Variants in HNF4G observed in about 807,000 individuals in gnomAD.
The protein encoded by HNF4G is hepatocyte nuclear factor 4 gamma, also known as hepatocyte nuclear factor 4-gamma.
HNF4G carries 21 observed loss-of-function variants against 50.9 expected under a neutral mutation model. That is an observed-to-expected ratio of 0.41 (90% CI 0.29 to 0.59). HNF4G has a LOEUF of 0.59. Among genes scored for constraint, HNF4G ranks in the 20% least tolerant of loss-of-function variants. The pLI is 0.26. For missense variants in HNF4G, 527 were observed against 559.4 expected (o/e 0.94, Z 0.58); for synonymous variants, 198 against 185.6 (o/e 1.07, Z -0.54).
At chr8:75,455,752 G>T (rs141508025) in intron 1 of HNF4G, among the ~76,000 whole-genome samples, 3,290 of 152,164 alleles carry the variant, frequency 0.022, 51 homozygotes, top group Non-Finnish European at 0.035. Flanking sequence ...CCAGTAAGAT[G>T]TTAATTTTTT....
At chr8:75,445,696 C>T (rs1811408784) in intron 1 of HNF4G, among the ~76,000 whole-genome samples, 3 of 135,410 alleles carry the variant, frequency 2.2e-5, no homozygotes, top group South Asian at 4.8e-4. Context: ...TGGATACATT[C>T]CTCGACACAT....
intron 1 of HNF4G, among the ~76,000 whole-genome samples, chr8:75,421,290 CAGTGGCTACCT>C (rs1278409482): frequency 6.6e-6 from 1 of 152,124 alleles, no homozygotes; most frequent in Non-Finnish European, 1.5e-5. Flanking sequence ...CACATGTGGC[CAGTGGCTACCT>C]AGTTGGTCAG....
At chr8:75,498,523 T>G (rs1267274936) in intron 2 of HNF4G, among the ~76,000 whole-genome samples, 1 of 151,714 alleles carries the variant, frequency 6.6e-6, no homozygotes, top group Non-Finnish European at 1.5e-5. Context: ...TTCCAAAAAT[T>G]GAAAAGAAGG....
chr8:75,443,684 G>T (rs1811346087), intron 1 of HNF4G, among the ~76,000 whole-genome samples: 1 of 152,136 alleles, frequency 6.6e-6, no homozygotes, highest in African/African-American at 2.4e-5. Flanking sequence ...CTTATGAAAA[G>T]TAAGAACATG....
chr8:75,429,734 T>G (rs1753096461), intron 1 of HNF4G, among the ~76,000 whole-genome samples: 1 of 152,102 alleles, frequency 6.6e-6, no homozygotes, highest in African/African-American at 2.4e-5. Context: ...AAAGTCTGAG[T>G]TGAAGAAAGA....
intron 1 of HNF4G, among the ~76,000 whole-genome samples, chr8:75,487,316 T>C (rs974122259): frequency 2.0e-5 from 3 of 152,176 alleles, no homozygotes; most frequent in African/African-American, 4.8e-5. Context: ...GAAGCTGCCA[T>C]GTTTAAGAAT....
intron 1 of HNF4G, among the ~76,000 whole-genome samples, chr8:75,463,062 T>TTG (rs1243649441): frequency 8.8e-5 from 13 of 146,946 alleles, no homozygotes; most frequent in African/African-American, 3.4e-4. Flanking sequence ...CTGCTTGTTT[T>TTG]TTTGTTTTTT....
At chr8:75,492,952 G>A (rs1812669482) in intron 2 of HNF4G, among the ~76,000 whole-genome samples, 2 of 152,062 alleles carry the variant, frequency 1.3e-5, no homozygotes, top group Admixed American at 1.3e-4. Flanking sequence ...CAAAAAACAA[G>A]TGGAAGTCTG....
intron 1 of HNF4G, among the ~76,000 whole-genome samples, chr8:75,415,189 C>T (rs1300662812): frequency 2.6e-5 from 4 of 152,030 alleles, no homozygotes; most frequent in Admixed American, 2.6e-4. Flanking sequence ...TTGTTCAAAT[C>T]CTATGCAGTC....
intron 1 of HNF4G, among the ~76,000 whole-genome samples, chr8:75,432,017 G>A (rs1205506047): frequency 1.3e-5 from 2 of 151,910 alleles, no homozygotes; most frequent in African/African-American, 2.4e-5. Flanking sequence ...AGTGGCTGAA[G>A]TAGGAGTATA....
intron 2 of HNF4G, among the ~76,000 whole-genome samples, chr8:75,495,214 C>A (rs1812737191): frequency 6.6e-6 from 1 of 152,150 alleles, no homozygotes; most frequent in Non-Finnish European, 1.5e-5. Context: ...AAATCACCAA[C>A]AATGGTATTT....
intron 3 of HNF4G, among the ~76,000 whole-genome samples, chr8:75,550,311 T>G (rs1806911085): frequency 6.6e-6 from 1 of 151,264 alleles, no homozygotes; most frequent in South Asian, 2.1e-4. Context: ...TCTCTCTCTC[T>G]TTTTTTTTAA....
At chr8:75,507,554 C>T (rs111498931) in intron 2 of HNF4G, among the ~76,000 whole-genome samples, 3 of 152,124 alleles carry the variant, frequency 2.0e-5, no homozygotes, top group East Asian at 1.9e-4. Flanking sequence ...CCACTGTGCC[C>T]GGCTGATTTT....
intron 3 of HNF4G, 45 bp downstream of exon 3, chr8:75,547,726 A>G (rs1806829461): frequency 2.7e-6 from 3 of 1,131,476 alleles, no homozygotes; most frequent in Admixed American, 3.4e-5. Flanking sequence ...ATGAAAAGTG[A>G]TAAACATACA....
At chr8:75,458,835 T>G (rs1407925735) in intron 1 of HNF4G, among the ~76,000 whole-genome samples, 2 of 152,164 alleles carry the variant, frequency 1.3e-5, no homozygotes, top group Non-Finnish European at 2.9e-5. Context: ...ATGACAATCT[T>G]TCTTCTATTT....
chr8:75,554,472 G>A (rs576367261), intron 5 of HNF4G, among the ~76,000 whole-genome samples: 1 of 152,128 alleles, frequency 6.6e-6, no homozygotes, highest in East Asian at 1.9e-4. Context: ...TAAGGCATGG[G>A]AAATTAGCTT....
chr8:75,448,496 A>AC (rs1353015201), intron 1 of HNF4G, among the ~76,000 whole-genome samples: 3 of 150,414 alleles, frequency 2.0e-5, no homozygotes, highest in South Asian at 2.1e-4. Flanking sequence ...TTAAAAAAAA[A>AC]AAAAAACAAA....
intron 2 of HNF4G, chr8:75,526,890 C>T (rs1806199146): frequency 6.6e-6 from 1 of 152,064 alleles, no homozygotes; most frequent in African/African-American, 2.4e-5. Flanking sequence ...CCTCAGCCTC[C>T]CGAGTAGCTG....
chr8:75,477,511 C>T (rs182183418), intron 1 of HNF4G, among the ~76,000 whole-genome samples: 13 of 152,142 alleles, frequency 8.5e-5, no homozygotes, highest in Non-Finnish European at 1.2e-4. Context: ...TGGAAATTTA[C>T]GCAAGAGAGA....
Sources: gnomAD v4.1 joint callset for allele counts (sites outside exome capture counted in the v4.1 genomes callset) on GRCh38, gnomAD v4.1.1 for gene constraint, MANE v1.5 for transcripts, NCBI Gene and HGNC (gene_info 2026-07-23, HGNC 2026-07-21) for gene names.